CSNK1G3: variants seen among roughly 807,000 people sequenced by gnomAD.
CSNK1G3 encodes casein kinase 1 gamma 3, also known as casein kinase I isoform gamma-3.
In CSNK1G3, 23 loss-of-function variants were observed where a neutral mutation model predicts 64.3. That is an observed-to-expected ratio of 0.36 (90% CI 0.26 to 0.51). The LOEUF is 0.51. Among genes scored for constraint, CSNK1G3 ranks in the 20% least tolerant of loss-of-function variants. The probability of loss-of-function intolerance (pLI) is 0.96; values close to 1 mark genes in which losing one functional copy is unlikely to be tolerated. For missense variants in CSNK1G3, 357 were observed against 510.5 expected (o/e 0.70, Z 2.90); for synonymous variants, 158 against 162.2 (o/e 0.97, Z 0.20).
exon 2 of CSNK1G3, chr5:123,545,616 G>T (rs1396551569): frequency 6.6e-7 from 1 of 1,520,496 alleles, no homozygotes; most frequent in Admixed American, 1.7e-5. Context: ...CTGTTTCAGT[G>T]TGCTTGTCTT....
At chr5:123,529,450 A>G (rs2150073713) in intron 1 of CSNK1G3, among the ~76,000 whole-genome samples, 1 of 152,246 alleles carries the variant, frequency 6.6e-6, no homozygotes, top group African/African-American at 2.4e-5. Flanking sequence ...AGTTGTGGGT[A>G]ATGGAAGTAG....
intron 10 of CSNK1G3, among the ~76,000 whole-genome samples, chr5:123,597,562 G>A (rs2112469): frequency 0.6 from 91,016 of 151,864 alleles, 28,449 homozygotes; most frequent in African/African-American, 0.78. Flanking sequence ...GAGTTGACAT[G>A]TAAGATGAAA....
At chr5:123,534,071 T>C (rs1042449168) in intron 1 of CSNK1G3, among the ~76,000 whole-genome samples, 2 of 152,100 alleles carry the variant, frequency 1.3e-5, no homozygotes, top group African/African-American at 4.8e-5. Flanking sequence ...CATTTATTCA[T>C]CTACAGTATG....
intron 12 of CSNK1G3, among the ~76,000 whole-genome samples, chr5:123,613,149 T>C (rs977739065): frequency 3.3e-5 from 5 of 152,166 alleles, no homozygotes; most frequent in Non-Finnish European, 2.9e-5. Flanking sequence ...ATTTGAAGGA[T>C]TGTGAGGCAT....
chr5:123,534,017 G>A (rs761430097), intron 1 of CSNK1G3, among the ~76,000 whole-genome samples: 6 of 151,344 alleles, frequency 4.0e-5, no homozygotes, highest in Non-Finnish European at 8.8e-5. Flanking sequence ...TCCTGTGCAC[G>A]GATGGGGTTT....
intron 1 of CSNK1G3, among the ~76,000 whole-genome samples, chr5:123,544,878 C>T (rs1782264686): frequency 1.3e-5 from 2 of 151,910 alleles, no homozygotes; most frequent in South Asian, 2.1e-4. Flanking sequence ...GAAGAATGTT[C>T]TTGATATTGT....
At chr5:123,533,108 C>T (rs1780203231) in intron 1 of CSNK1G3, among the ~76,000 whole-genome samples, 1 of 151,714 alleles carries the variant, frequency 6.6e-6, no homozygotes, top group Non-Finnish European at 1.5e-5. Flanking sequence ...TATTACTTAC[C>T]ATTGACACTT....
chr5:123,559,174 T>G (rs1302716268), intron 4 of CSNK1G3, among the ~76,000 whole-genome samples: 1 of 152,064 alleles, frequency 6.6e-6, no homozygotes, highest in Non-Finnish European at 1.5e-5. Context: ...TATCCGAACT[T>G]TAGAGACTGA....
At chr5:123,591,827 C>T (rs1792423833) in intron 10 of CSNK1G3, among the ~76,000 whole-genome samples, 1 of 151,930 alleles carries the variant, frequency 6.6e-6, no homozygotes, top group Non-Finnish European at 1.5e-5. Flanking sequence ...GATTTTGTCA[C>T]CAGTGTCTAA....
chr5:123,592,456 T>C (rs562322255), intron 10 of CSNK1G3, among the ~76,000 whole-genome samples: 1 of 151,720 alleles, frequency 6.6e-6, no homozygotes, highest in Non-Finnish European at 1.5e-5. Context: ...TTTTTCTCTC[T>C]CTCTTTCTCT....
At chr5:123,616,879 A>G (rs1465350712) in exon 13 of CSNK1G3, 1 of 152,210 alleles carries the variant, frequency 6.6e-6, no homozygotes, top group Admixed American at 6.5e-5. Context: ...TATGAGAAGC[A>G]GAGCTAAAGG....
chr5:123,523,754 A>G (rs1778544320), intron 1 of CSNK1G3, among the ~76,000 whole-genome samples: 1 of 152,248 alleles, frequency 6.6e-6, no homozygotes, highest in African/African-American at 2.4e-5. Context: ...TAACATCCAC[A>G]GCACTCTGAA....
intron 4 of CSNK1G3, among the ~76,000 whole-genome samples, chr5:123,563,130 T>C (rs1786113506): frequency 6.6e-6 from 1 of 152,020 alleles, no homozygotes; most frequent in Admixed American, 6.6e-5. Flanking sequence ...AAAAATAACC[T>C]TTTTTTCTGT....
At chr5:123,584,593 T>G (rs2150893996) in intron 6 of CSNK1G3, among the ~76,000 whole-genome samples, 1 of 152,290 alleles carries the variant, frequency 6.6e-6, no homozygotes, top group East Asian at 1.9e-4. Context: ...TTGTAATGTC[T>G]TTATCTGTTG....
intron 6 of CSNK1G3, among the ~76,000 whole-genome samples, chr5:123,585,205 C>T (rs533550277): frequency 1.3e-5 from 2 of 151,302 alleles, no homozygotes; most frequent in South Asian, 2.1e-4. Context: ...AAAAGCAACT[C>T]GAGGGGAAAG....
intron 6 of CSNK1G3, among the ~76,000 whole-genome samples, chr5:123,577,396 C>T (rs1489641753): frequency 6.6e-6 from 1 of 151,972 alleles, no homozygotes; most frequent in East Asian, 1.9e-4. Flanking sequence ...AATATGCCTA[C>T]ATATATACGT....
At chr5:123,589,935 A>G (rs941410534) in intron 8 of CSNK1G3, among the ~76,000 whole-genome samples, 2 of 152,102 alleles carry the variant, frequency 1.3e-5, no homozygotes, top group Non-Finnish European at 2.9e-5. Context: ...AGGAATTTGA[A>G]TTCTCTATTA....
At chr5:123,532,668 G>A (rs1163955794) in intron 1 of CSNK1G3, among the ~76,000 whole-genome samples, 1 of 151,656 alleles carries the variant, frequency 6.6e-6, no homozygotes, top group Non-Finnish European at 1.5e-5. Flanking sequence ...GCAAACAAAA[G>A]CAAAAACTGA....
chr5:123,605,288 C>A (rs775310343), intron 11 of CSNK1G3, 51 bp from the exon 13 acceptor site: 4 of 1,425,636 alleles, frequency 2.8e-6, no homozygotes, highest in Non-Finnish European at 3.9e-6. Flanking sequence ...GTTTCTGATT[C>A]TCTCTCTCTC....
Sources: gnomAD v4.1 joint callset for allele counts (sites outside exome capture counted in the v4.1 genomes callset) on GRCh38, gnomAD v4.1.1 for gene constraint, MANE v1.5 for transcripts, NCBI Gene and HGNC (gene_info 2026-07-23, HGNC 2026-07-21) for gene names.